SLC36A3: variants seen among roughly 807,000 people sequenced by gnomAD.
The protein encoded by SLC36A3 is solute carrier family 36 member 3.
SLC36A3 carries 35 observed loss-of-function variants against 44.3 expected under a neutral mutation model. The observed-to-expected ratio is 0.79, with a 90% CI of 0.60 to 1.05. The LOEUF is 1.05. Ranked by LOEUF, SLC36A3 falls within the 50% of genes least tolerant of loss-of-function variation. The pLI is 0.00. For synonymous variants in SLC36A3, 211 were observed against 227.6 expected (o/e 0.93, Z 0.66); for missense variants, 540 against 578.7 (o/e 0.93, Z 0.69).
At chr5:151,288,531 G>T in intron 4 of SLC36A3, 61 bp from the exon 5 acceptor site, 1 of 1,178,424 alleles carries the variant, frequency 8.5e-7, no homozygotes, top group Non-Finnish European at 1.2e-6. Flanking sequence ...TATTTCTTAA[G>T]AATGTTTACT....
chr5:151,290,666 C>T lies in SLC36A3; in HGVS notation c.405-2196G>A, dbSNP rs375880985. Among the ~76,000 whole-genome samples the T allele has an allele frequency of 1.8e-3, 276 of 152,236 alleles. 1 individual carries two copies. Among genetic ancestry groups the T allele is most frequent in the African/African-American group, 6.3e-3 (262 of 41,534 alleles). On this transcript the variant is annotated intron_variant, in intron 4 of 9. Coordinates refer to ENST00000335230, the MANE Select transcript of SLC36A3 (RefSeq NM_181774.4). ...ATCCCACCACTTTGCAAGGCCGAGG[C>T]GGGCGGATCACGAGGTCAGGAGATC...
At chr5:151,278,065 A>G (rs1050947803) in intron 9 of SLC36A3, among the ~76,000 whole-genome samples, 5 of 152,170 alleles carry the variant, frequency 3.3e-5, no homozygotes, top group Admixed American at 2.6e-4. Context: ...CTCATGTGTA[A>G]GAAAGAACTT....
chr5:151,293,508 G>T, intron 3 of SLC36A3, 49 bp from the exon 4 acceptor site: 1 of 1,482,214 alleles, frequency 6.7e-7, no homozygotes, highest in Non-Finnish European at 9.2e-7. Flanking sequence ...TTTTGTTAAA[G>T]GTACAGTTTT....
chr5:151,296,977 G>T (rs1561639291), intron 2 of SLC36A3: 1 of 152,156 alleles, frequency 6.6e-6, no homozygotes, highest in Admixed American at 6.5e-5. Context: ...TGATCAGAAG[G>T]GTATAAACGG....
chr5:151,296,151 C>G, intron 3 of SLC36A3, 29 bp downstream of exon 3: 3 of 1,612,506 alleles, frequency 1.9e-6, no homozygotes, highest in Non-Finnish European at 1.7e-6. Context: ...GGCCCCAGTG[C>G]TGGAATGAGA....
At chr5:151,296,153 G>A (rs1754950630) in intron 3 of SLC36A3, 27 bp downstream of exon 3, 1 of 1,612,478 alleles carries the variant, frequency 6.2e-7, no homozygotes, top group Non-Finnish European at 8.5e-7. Context: ...CCCCAGTGCT[G>A]GAATGAGAGA....
Position 151,284,123 on chromosome 5 carries a change from T to C in SLC36A3, c.895A>G (p.Ile299Val). 6.2e-7 allele frequency: 1 copy of C among 1,613,774 alleles called. No individual in the cohort carries two copies. Among genetic ancestry groups the C allele is most frequent in the Non-Finnish European group, 8.5e-7 (1 of 1,179,974 alleles). The change falls in exon 8 of 10, where the codon ATC (isoleucine) becomes GTC (valine). Residue 299 changes from isoleucine to valine, a missense_variant. By Grantham distance (29) the Ile-to-Val change is conservative. Coordinates refer to ENST00000335230, the MANE Select transcript of SLC36A3 (RefSeq NM_181774.4). Reference sequence around the variant, plus strand: ...ATGTAGCCCAGTGTCCCCAGTAAGATATAGAGGATGATGACAATGGACATC... The same window carrying C: ...ATGTAGCCCAGTGTCCCCAGTAAGACATAGAGGATGATGACAATGGACATC... ...LGMSIVIILYILLGTLGYMKF... is the reference protein window; with the variant it reads ...LGMSIVIILYVLLGTLGYMKF...
At position 151,276,721 on chromosome 5, in the gene SLC36A3, G is replaced by T. The variant is rs942971425; in HGVS notation, c.*672C>A. 2 of 152,390 alleles carry T rather than the reference G, an allele frequency of 1.3e-5. No homozygotes were observed. The allele number at this position is 152,390 out of a possible 1,614,324, so 9.4% of individuals were successfully genotyped here. On this transcript the variant is annotated 3_prime_UTR_variant, in exon 10 of 10. Transcript: ENST00000335230. ...CCACATAGCAGGGTATGGAGTTTCA[G>T]TTACTCCACCTCCTCACCAACACTA...
At chr5:151,300,811 C>T (rs765326691) in intron 1 of SLC36A3, among the ~76,000 whole-genome samples, 9 of 152,130 alleles carry the variant, frequency 5.9e-5, no homozygotes, top group Non-Finnish European at 1.2e-4. Context: ...GGAAAATAAC[C>T]ACACATTATA....
At chr5:151,286,759 T>C (rs953954630) in intron 6 of SLC36A3, among the ~76,000 whole-genome samples, 2 of 152,192 alleles carry the variant, frequency 1.3e-5, no homozygotes, top group Non-Finnish European at 2.9e-5. Flanking sequence ...ATTGCGAAGG[T>C]TCAATAAGTT....
chr5:151,279,827 AC>A (rs1249699493), intron 9 of SLC36A3, among the ~76,000 whole-genome samples: 1 of 152,172 alleles, frequency 6.6e-6, no homozygotes, highest in Non-Finnish European at 1.5e-5. Context: ...CCGTACGGAA[AC>A]TTGATTCCTT....
intron 2 of SLC36A3, chr5:151,298,077 GA>G (rs1561639923): frequency 6.6e-6 from 1 of 152,544 alleles, no homozygotes; most frequent in African/African-American, 2.4e-5. Flanking sequence ...GTGATCATAA[GA>G]AAGTGTAAAG....
At position 151,303,083 on chromosome 5, in the gene SLC36A3, A is replaced by G. The variant is rs547024471; in HGVS notation, c.128+144T>C. 5.4e-5 allele frequency: 61 copies of G among 1,130,906 alleles called. No homozygotes were observed. In the African/African-American group the frequency reaches 9.3e-4, roughly 17 times the overall value. 70.1% of individuals were successfully genotyped at this position (1,130,906 alleles called of 1,614,324 possible). On this transcript the variant is annotated intron_variant, in intron 1 of 9. Coordinates refer to ENST00000335230, the MANE Select transcript of SLC36A3 (RefSeq NM_181774.4). ...GAGCCACAGGGATTGACCTCCTTAG[A>G]TTCTGAAGGTTTCATCTTTTATCCA...
At position 151,281,198 on chromosome 5, in the gene SLC36A3, A is replaced by G. The variant is rs760494790; in HGVS notation, c.975-15T>C. On this transcript the variant is annotated splice_polypyrimidine_tract_variant and intron_variant, in intron 8 of 9. Transcript: ENST00000335230. The stretch of plus-strand genomic sequence containing the variant: ...ACTGGTACAACCTGCAGACACATGA[A>G]TTGGATGTGAAAGGTGATGTGGCTC... The G allele has an allele frequency of 3.8e-6, 6 of 1,595,556 alleles. No individual in the cohort carries two copies. Among genetic ancestry groups the G allele is most frequent in the Non-Finnish European group, 4.3e-6 (5 of 1,169,626 alleles).
Position 151,277,331 on chromosome 5 carries a change from T to G in SLC36A3, c.*62A>C. On this transcript the variant is annotated 3_prime_UTR_variant, in exon 10 of 10. Coordinates refer to ENST00000335230, the MANE Select transcript of SLC36A3 (RefSeq NM_181774.4). ...TGGGATTTGATGAAGGTATATAACA[T>G]CCACATGGAAGTCAAACTGGGGATG... is the stretch of plus-strand genomic sequence containing the variant. 1.3e-6 allele frequency: 2 copies of G among 1,591,482 alleles called. No homozygotes were observed. The highest frequency in any genetic ancestry group is 1.7e-6 in the Non-Finnish European group (2 of 1,164,514).
intron 4 of SLC36A3, 70 bp downstream of exon 4, chr5:151,293,294 T>C (rs1754827776): frequency 7.5e-7 from 1 of 1,324,998 alleles, no homozygotes; most frequent in East Asian, 2.5e-5. Flanking sequence ...TTAAAACCTG[T>C]GTAAGTAGAA....
In SLC36A3 at chr5:151,288,315, C is replaced by A. The variant is rs993521893; in HGVS notation, c.489+71G>T. 1.0e-5 allele frequency: 13 copies of A among 1,251,416 alleles called. No homozygotes were observed. The African/African-American group carries it at 1.7e-4, about 16-fold the overall frequency. The allele number at this position is 1,251,416 out of a possible 1,614,324, so 77.5% of individuals were successfully genotyped here. A position where few individuals can be genotyped will look rare whatever the true frequency, so the allele number is the denominator to read the frequency against. The stretch of plus-strand genomic sequence containing the variant: ...CTCCTCCCATGAGCCTAACACAATA[C>A]TTTTGCTAATGTAGCCTCAGCAGCA... On this transcript the variant is annotated intron_variant, in intron 5 of 9. Coordinates refer to ENST00000335230, the MANE Select transcript of SLC36A3 (RefSeq NM_181774.4).
intron 5 of SLC36A3, among the ~76,000 whole-genome samples, chr5:151,287,719 A>G (rs1288872544): frequency 6.6e-6 from 1 of 152,218 alleles, no homozygotes; most frequent in Non-Finnish European, 1.5e-5. Context: ...CCTTAGAATC[A>G]TAAAATCTCA....
chr5:151,277,464 A>G lies in SLC36A3; in HGVS notation c.1342T>C (p.Tyr448His), dbSNP rs778640387. 125 of 1,614,062 alleles carry G rather than the reference A, an allele frequency of 7.7e-5. No homozygotes were observed. Among genetic ancestry groups the G allele is most frequent in the Non-Finnish European group, 9.7e-5 (115 of 1,180,038 alleles). Residue 448 changes from tyrosine to histidine, a missense_variant, in exon 10 of 10, where the codon TAC becomes CAC. Coordinates refer to ENST00000335230, the MANE Select transcript of SLC36A3 (RefSeq NM_181774.4). ...TGGGGCAACTCATAGAGGGCTTGGT[A>G]TGTCCCAAATATACACCCTAAAAGG... is the stretch of plus-strand genomic sequence containing the variant. ...VGLLGCIFGT[Y>H]QALYELPQPI...
Sources: gnomAD v4.1 joint callset for allele counts (sites outside exome capture counted in the v4.1 genomes callset) on GRCh38, gnomAD v4.1.1 for gene constraint, MANE v1.5 for transcripts, NCBI Gene and HGNC (gene_info 2026-07-23, HGNC 2026-07-21) for gene names.